Variants in DPYD observed in about 807,000 individuals in gnomAD.
DPYD encodes the protein dihydropyrimidine dehydrogenase [NADP(+)].
A neutral mutation model predicts 116.2 loss-of-function variants in DPYD; 109 were observed. The ratio of observed to expected loss-of-function variants is 0.94; its 90% CI spans 0.80 to 1.10. The LOEUF is 1.10. DPYD is among the 50% of genes least tolerant of loss of function. DPYD has a pLI of 0.00. For synonymous variants in DPYD, 440 were observed against 432.0 expected (o/e 1.02, Z -0.23); for missense variants, 1,302 against 1,254.5 (o/e 1.04, Z -0.57).
At chr1:97,447,572 A>G (rs1015761698) in intron 14 of DPYD, among the ~76,000 whole-genome samples, 2 of 152,256 alleles carry the variant, frequency 1.3e-5, no homozygotes, top group Non-Finnish European at 2.9e-5. Context: ...ATAGGGAAAG[A>G]ATCAGAAACA....
chr1:97,173,166 A>G (rs12029380), intron 20 of DPYD, among the ~76,000 whole-genome samples: 21,206 of 151,356 alleles, frequency 0.14, 1,703 homozygotes, highest in East Asian at 0.28. Flanking sequence ...GTACGTATAT[A>G]TGTACACATG....
intron 1 of DPYD, among the ~76,000 whole-genome samples, chr1:97,901,074 T>C (rs895480126): frequency 2.0e-5 from 3 of 151,828 alleles, no homozygotes; most frequent in Admixed American, 1.3e-4. Flanking sequence ...TATTTGGTAA[T>C]ACCTGATGTT....
chr1:97,308,488 T>G (rs1667295833), intron 16 of DPYD: 1 of 151,908 alleles, frequency 6.6e-6, no homozygotes, highest in South Asian at 2.1e-4. Flanking sequence ...ACCATAAAAA[T>G]TAATGATTGT....
intron 5 of DPYD, among the ~76,000 whole-genome samples, chr1:97,704,692 G>A (rs780253072): frequency 1.3e-5 from 2 of 151,786 alleles, no homozygotes; most frequent in Non-Finnish European, 2.9e-5. Flanking sequence ...GTTCCCTATT[G>A]TTTCATAATG....
At chr1:97,497,600 A>G (rs1679343439) in intron 13 of DPYD, among the ~76,000 whole-genome samples, 1 of 151,884 alleles carries the variant, frequency 6.6e-6, no homozygotes, top group Admixed American at 6.6e-5. Flanking sequence ...CTTATCAATA[A>G]CACTAGGAGT....
chr1:97,751,458 G>GTGTA (rs1359025470), intron 3 of DPYD, among the ~76,000 whole-genome samples: 1 of 22,048 alleles, frequency 4.5e-5, no homozygotes, highest in Non-Finnish European at 8.6e-5. Flanking sequence ...GTGTGTGTGT[G>GTGTA]TGTATATATA....
At chr1:97,855,290 C>A (rs1349702542) in intron 2 of DPYD, 1 of 152,234 alleles carries the variant, frequency 6.6e-6, no homozygotes, top group Non-Finnish European at 1.5e-5. Flanking sequence ...GGTCCTGGAA[C>A]TGCTATGACA....
intron 21 of DPYD, among the ~76,000 whole-genome samples, chr1:97,094,214 G>C (rs1650081086): frequency 6.6e-6 from 1 of 151,922 alleles, no homozygotes; most frequent in Non-Finnish European, 1.5e-5. Context: ...AAATGTGATG[G>C]GTCTGAAGGT....
chr1:97,611,939 G>A (rs999539067), intron 8 of DPYD, among the ~76,000 whole-genome samples: 14 of 151,904 alleles, frequency 9.2e-5, no homozygotes, highest in African/African-American at 1.9e-4. Flanking sequence ...ATCACTCCCC[G>A]TGTTGCAAGG....
chr1:97,316,614 A>T (rs377600668), intron 16 of DPYD, among the ~76,000 whole-genome samples: 32 of 151,790 alleles, frequency 2.1e-4, no homozygotes, highest in Admixed American at 1.4e-3. Context: ...TGGGCCTCCA[A>T]TGCCCTCTGT....
intron 16 of DPYD, among the ~76,000 whole-genome samples, chr1:97,362,606 T>C (rs182293402): frequency 2.0e-5 from 3 of 152,260 alleles, no homozygotes; most frequent in Admixed American, 2.0e-4. Flanking sequence ...AAAAGAGCTA[T>C]ATAGACCAAC....
intron 14 of DPYD, among the ~76,000 whole-genome samples, chr1:97,435,677 T>C (rs1395003053): frequency 6.6e-6 from 1 of 151,986 alleles, no homozygotes; most frequent in Non-Finnish European, 1.5e-5. Flanking sequence ...ATGTGTTAAG[T>C]ATTGTTTTTT....
At chr1:97,791,685 C>T (rs1557964745) in intron 3 of DPYD, among the ~76,000 whole-genome samples, 1 of 152,172 alleles carries the variant, frequency 6.6e-6, no homozygotes, top group Non-Finnish European at 1.5e-5. Flanking sequence ...TAATTAAATG[C>T]TAGTGTATTG....
intron 20 of DPYD, among the ~76,000 whole-genome samples, chr1:97,184,526 G>A (rs773371927): frequency 6.6e-6 from 1 of 152,092 alleles, no homozygotes; most frequent in Non-Finnish European, 1.5e-5. Context: ...GTGACACTGA[G>A]CTTTTTTTCA....
intron 2 of DPYD, among the ~76,000 whole-genome samples, chr1:97,843,675 T>A (rs1571454071): frequency 6.6e-6 from 1 of 152,344 alleles, no homozygotes; most frequent in East Asian, 1.9e-4. Flanking sequence ...TTCATTAATT[T>A]AGTAAGCAAT....
At chr1:97,267,803 G>A (rs1381132682) in intron 18 of DPYD, among the ~76,000 whole-genome samples, 1 of 151,988 alleles carries the variant, frequency 6.6e-6, no homozygotes, top group Non-Finnish European at 1.5e-5. Flanking sequence ...TTCCACCATG[G>A]TCCCTCAAAA....
chr1:97,125,087 T>C (rs1296587283), intron 20 of DPYD, among the ~76,000 whole-genome samples: 1 of 152,140 alleles, frequency 6.6e-6, no homozygotes, highest in East Asian at 1.9e-4. Context: ...TCTTTTTAGA[T>C]AAACTAACAA....
chr1:97,531,989 G>C (rs1649660420), intron 12 of DPYD, among the ~76,000 whole-genome samples: 1 of 151,884 alleles, frequency 6.6e-6, no homozygotes, highest in African/African-American at 2.4e-5. Context: ...TACTGAATTT[G>C]TTTATTAGAT....
chr1:97,329,937 T>C (rs1367675374), intron 16 of DPYD, among the ~76,000 whole-genome samples: 2 of 151,402 alleles, frequency 1.3e-5, no homozygotes, highest in Admixed American at 1.3e-4. Flanking sequence ...TGATATCTTA[T>C]TTCTATGTTA....
Sources: allele counts gnomAD v4.1 joint callset (sites outside exome capture counted in the v4.1 genomes callset), GRCh38; gene constraint gnomAD v4.1.1; transcripts MANE v1.5; gene names NCBI Gene and HGNC (gene_info 2026-07-23, HGNC 2026-07-21).